The following TRHDE variants were observed in gnomAD, a reference collection of about 807,000 sequenced individuals.
TRHDE encodes the protein thyrotropin releasing hormone degrading enzyme.
In TRHDE, 72 loss-of-function variants were observed where a neutral mutation model predicts 125.7. The ratio of observed to expected loss-of-function variants is 0.57; its 90% confidence interval spans 0.47 to 0.70. The LOEUF (loss-of-function observed/expected upper bound fraction) is 0.70, where lower values mean the gene tolerates loss of function less well. TRHDE is among the 30% of genes least tolerant of loss of function. The probability of loss-of-function intolerance (pLI) is 0.00; values close to 1 mark genes in which losing one functional copy is unlikely to be tolerated. For missense variants in TRHDE, 1,110 were observed against 1,327.1 expected (o/e 0.84, Z 2.54); for synonymous variants, 509 against 509.1 (o/e 1.00, Z 0.00).
chr12:72,486,370 C>T (rs1272300072), intron 5 of TRHDE, among the ~76,000 whole-genome samples: 4 of 152,182 alleles, frequency 2.6e-5, no homozygotes, highest in Admixed American at 6.5e-5. Flanking sequence ...CCAAGTACCA[C>T]GTGCCTGTGG....
chr12:72,394,249 A>C (rs1320937222), intron 3 of TRHDE, among the ~76,000 whole-genome samples: 1 of 152,176 alleles, frequency 6.6e-6, no homozygotes, highest in Non-Finnish European at 1.5e-5. Context: ...TAGTCCAATT[A>C]ACAGTAGATT....
At chr12:72,473,281 G>C in intron 5 of TRHDE, 101 bp downstream of exon 5, 1 of 782,674 alleles carries the variant, frequency 1.3e-6, no homozygotes, top group South Asian at 1.9e-5. Flanking sequence ...ACCAACTGAT[G>C]CATGAAAATG....
At chr12:72,335,260 A>C (rs1250866518) in intron 2 of TRHDE, among the ~76,000 whole-genome samples, 2 of 152,212 alleles carry the variant, frequency 1.3e-5, no homozygotes. Flanking sequence ...TTCTAACAAG[A>C]GATTTCAGGG....
chr12:72,207,657 T>C (rs1454625873), intron 2 of TRHDE, among the ~76,000 whole-genome samples: 2 of 152,222 alleles, frequency 1.3e-5, no homozygotes, highest in Non-Finnish European at 2.9e-5. Flanking sequence ...TTTGACATGA[T>C]GGAACAGGAT....
Position 72,527,191 on chromosome 12 carries a change from T to A in TRHDE, c.1723-15100T>A, listed in dbSNP as rs113240295. ...TCTAGCCATGAAGCAAAATACTGGGTTTTGCAGAGCATGGCTCCTCCATTC... is the reference window on the plus strand; with the variant it reads ...TCTAGCCATGAAGCAAAATACTGGGATTTGCAGAGCATGGCTCCTCCATTC... On this transcript the variant is annotated intron_variant, in intron 6 of 18. Coordinates refer to ENST00000261180, the MANE Select transcript of TRHDE (RefSeq NM_013381.3). Among the ~76,000 whole-genome samples the A allele has an allele frequency of 2.1e-3, 323 of 152,258 alleles. 5 individuals carry two copies. The highest frequency in any genetic ancestry group is 0.017 in the Middle Eastern group (5 of 294).
intron 7 of TRHDE, among the ~76,000 whole-genome samples, chr12:72,556,556 C>T (rs1869935489): frequency 6.6e-6 from 1 of 152,210 alleles, no homozygotes; most frequent in South Asian, 2.1e-4. Flanking sequence ...ATCCCCTTGT[C>T]TGAGGCCAGA....
intron 2 of TRHDE, chr12:72,254,020 TA>T (rs909330058): frequency 6.6e-6 from 1 of 152,104 alleles, no homozygotes; most frequent in African/African-American, 2.4e-5. Context: ...GAATTCTTAA[TA>T]AAAAATAGTA....
At chr12:72,249,434 C>T (rs1156834540) in intron 2 of TRHDE, among the ~76,000 whole-genome samples, 1 of 152,138 alleles carries the variant, frequency 6.6e-6, no homozygotes, top group Non-Finnish European at 1.5e-5. Flanking sequence ...TACCTGTAAT[C>T]CCAGTTACTC....
At chr12:72,512,104 T>A (rs1394401468) in intron 6 of TRHDE, among the ~76,000 whole-genome samples, 1 of 152,096 alleles carries the variant, frequency 6.6e-6, no homozygotes, top group Non-Finnish European at 1.5e-5. Context: ...TCTTCTGCTT[T>A]CTTACGCTGG....
At chr12:72,304,581 A>C (rs7974998) in intron 2 of TRHDE, among the ~76,000 whole-genome samples, 1 of 151,950 alleles carries the variant, frequency 6.6e-6, no homozygotes, top group South Asian at 2.1e-4. Context: ...ATACCTAGTT[A>C]AGCTTTATTT....
At chr12:72,102,245 G>A (rs1186576481) in intron 1 of TRHDE, among the ~76,000 whole-genome samples, 1 of 152,130 alleles carries the variant, frequency 6.6e-6, no homozygotes, top group Non-Finnish European at 1.5e-5. Context: ...GATAATAGCA[G>A]GGCTTAGAGT....
chr12:72,363,058 G>C (rs1271379581), intron 2 of TRHDE, among the ~76,000 whole-genome samples: 7 of 151,804 alleles, frequency 4.6e-5, no homozygotes, highest in Non-Finnish European at 1.0e-4. Flanking sequence ...GCTCTTTTTT[G>C]GTTCCATATG....
rs192083402 is a variant in TRHDE at position 72,350,674 on chromosome 12, T to G, written c.1189-27321T>G. On this transcript the variant is annotated intron_variant, in intron 2 of 18. Transcript: ENST00000261180. Reference sequence around the variant, plus strand: ...CTGAACTCCCTTCCTGAATTGCTTATGGAAAATGAGGCTTGATAGAAAAAA... The same window carrying G: ...CTGAACTCCCTTCCTGAATTGCTTAGGGAAAATGAGGCTTGATAGAAAAAA... 4.6e-5 allele frequency among the ~76,000 whole-genome samples: 7 copies of G among 152,058 alleles called. No individual in the cohort carries two copies. In the East Asian group the frequency reaches 1.4e-3, roughly 30 times the overall value.
At chr12:72,346,936 T>C (rs181978212) in intron 2 of TRHDE, among the ~76,000 whole-genome samples, 62 of 152,164 alleles carry the variant, frequency 4.1e-4, no homozygotes, top group African/African-American at 1.4e-3. Flanking sequence ...GCTTCCCTCT[T>C]AGCTTCTGGT....
intron 15 of TRHDE, among the ~76,000 whole-genome samples, chr12:72,641,618 G>C (rs1267027097): frequency 6.6e-6 from 1 of 152,048 alleles, no homozygotes; most frequent in African/African-American, 2.4e-5. Flanking sequence ...ATCATTGTCA[G>C]TTGCTATTTG....
intron 2 of TRHDE, among the ~76,000 whole-genome samples, chr12:72,205,135 A>G (rs1419837149): frequency 2.6e-5 from 4 of 152,216 alleles, no homozygotes; most frequent in African/African-American, 9.7e-5. Flanking sequence ...TCAGCCACTC[A>G]GACTGCTTAT....
intron 2 of TRHDE, among the ~76,000 whole-genome samples, chr12:72,108,074 A>T (rs1351897): frequency 8.0e-4 from 122 of 152,060 alleles, no homozygotes; most frequent in Middle Eastern, 6.8e-3. Context: ...AGGGACAGCC[A>T]GGAGAAGGCA....
chr12:72,357,798 GTAA>G (rs1216700334), intron 2 of TRHDE, among the ~76,000 whole-genome samples: 1 of 151,376 alleles, frequency 6.6e-6, no homozygotes, highest in Non-Finnish European at 1.5e-5. Flanking sequence ...CTATTTTACT[GTAA>G]TAATGATGTA....
chr12:72,511,235 AAT>A (rs1241844311), intron 6 of TRHDE, among the ~76,000 whole-genome samples: 4 of 152,194 alleles, frequency 2.6e-5, no homozygotes, highest in African/African-American at 9.6e-5. Context: ...CACGTTACAT[AAT>A]AGTCAGATAA....
Sources: allele counts gnomAD v4.1 joint callset (sites outside exome capture counted in the v4.1 genomes callset), GRCh38; gene constraint gnomAD v4.1.1; transcripts MANE v1.5; gene names NCBI Gene and HGNC (gene_info 2026-07-23, HGNC 2026-07-21).